LPCAT2: variants seen among roughly 807,000 people sequenced by gnomAD.
LPCAT2 encodes lysophosphatidylcholine acyltransferase 2.
Under a neutral mutation model 64.7 loss-of-function variants are expected in LPCAT2, and 58 were observed. The observed-to-expected ratio is 0.90, with a 90% CI of 0.73 to 1.12. The LOEUF is 1.12. Ranked by LOEUF, LPCAT2 falls within the 50% of genes most tolerant of loss-of-function variation. The pLI is 0.00. For synonymous variants in LPCAT2, 252 were observed against 245.3 expected (o/e 1.03, Z -0.26); for missense variants, 579 against 669.8 (o/e 0.86, Z 1.50).
chr16:55,526,941 A>G (rs893985565), intron 2 of LPCAT2, among the ~76,000 whole-genome samples: 3 of 152,298 alleles, frequency 2.0e-5, no homozygotes, highest in Admixed American at 6.5e-5. Context: ...AGAGTGTTTA[A>G]TGGCTCAGAA....
intron 7 of LPCAT2, among the ~76,000 whole-genome samples, chr16:55,537,062 A>G (rs1240060354): frequency 6.6e-6 from 1 of 152,160 alleles, no homozygotes; most frequent in Non-Finnish European, 1.5e-5. Context: ...AAACACATTT[A>G]CATACCTTAA....
rs183678292 is a variant in LPCAT2, at chr16:55,548,731, C to T, written c.936-546C>T. ...GTTTCACCATGTTGGCCAGGCTGGT[C>T]TCAAACTCCTGGCCTCAAGTGATCT... is the stretch of plus-strand genomic sequence containing the variant. On this transcript the variant is annotated intron_variant, in intron 9 of 13. Coordinates refer to ENST00000262134, the MANE Select transcript of LPCAT2 (RefSeq NM_017839.5). Among the ~76,000 whole-genome samples the T allele has an allele frequency of 5.2e-3, 796 of 152,216 alleles. 8 individuals carry two copies. Among genetic ancestry groups the T allele is most frequent in the African/African-American group, 0.018 (762 of 41,528 alleles).
At chr16:55,566,369 C>T (rs1343867261) in intron 11 of LPCAT2, among the ~76,000 whole-genome samples, 1 of 152,108 alleles carries the variant, frequency 6.6e-6, no homozygotes, top group Non-Finnish European at 1.5e-5. Flanking sequence ...GATTTCCTTG[C>T]ATCATTTACC....
chr16:55,570,752 A>G (rs1006717360), intron 11 of LPCAT2, among the ~76,000 whole-genome samples: 20 of 152,328 alleles, frequency 1.3e-4, no homozygotes, highest in African/African-American at 4.8e-4. Flanking sequence ...TTTTAAAAAT[A>G]TTTAAGTATA....
chr16:55,567,685 A>G (rs1469029466), intron 11 of LPCAT2: 6 of 625,986 alleles, frequency 9.6e-6, no homozygotes, highest in Non-Finnish European at 1.7e-5. Flanking sequence ...ATTTCACGAA[A>G]AATGTTCTGA....
In LPCAT2 at chr16:55,528,409, G is replaced by A; in HGVS notation, c.344G>A (p.Gly115Asp). Residue 115 changes from glycine to aspartate, a missense_variant, in exon 3 of 14, where the codon GGT becomes GAT. Transcript: ENST00000262134. Reference sequence around the variant, plus strand: ...ACTCAAACAGCTTTGAAATTTCTGGGTCGTGCTATGTTCTTTTCAATGGGA... The same window carrying A: ...ACTCAAACAGCTTTGAAATTTCTGGATCGTGCTATGTTCTTTTCAATGGGA... ...KITQTALKFL[G>D]RAMFFSMGFI... The A allele has an allele frequency of 6.2e-7, 1 of 1,613,862 alleles. No homozygotes were observed. Among genetic ancestry groups the A allele is most frequent in the Non-Finnish European group, 8.5e-7 (1 of 1,179,900 alleles).
chr16:55,514,910 G>C (rs1962988091), intron 1 of LPCAT2, among the ~76,000 whole-genome samples: 1 of 151,546 alleles, frequency 6.6e-6, no homozygotes, highest in Non-Finnish European at 1.5e-5. Flanking sequence ...GTGTGTGTGT[G>C]TGTGTGTGTG....
intron 1 of LPCAT2, 111 bp downstream of exon 1, chr16:55,509,463 G>T: frequency 8.6e-7 from 1 of 1,167,908 alleles, no homozygotes. Flanking sequence ...GGGGGGCGTG[G>T]GTCTGAGGGA....
At chr16:55,568,483 C>T (rs1502004) in intron 11 of LPCAT2, among the ~76,000 whole-genome samples, 84,681 of 152,086 alleles carry the variant, frequency 0.56, 23,940 homozygotes, top group East Asian at 0.73. Context: ...ATAGAGAACA[C>T]ATATTGCTGA....
Position 55,583,082 on chromosome 16 carries a change from A to G in LPCAT2, c.1619A>G (p.Asp540Gly). The G allele has an allele frequency of 6.2e-7, 1 of 1,611,904 alleles. No homozygotes were observed. Among genetic ancestry groups the G allele is most frequent in the South Asian group, 1.1e-5 (1 of 90,724 alleles). ...GAAAAGCATGAAGAGAGTACCTCAG[A>G]CAAAAAAGATGACTGAAAGCAGTAT... ...SPEKHEESTS[D>G]KKDD The change falls in exon 14 of 14, where the codon GAC becomes GGC. Residue 540 changes from aspartate to glycine, a missense_variant. By Grantham distance (94) the Asp-to-Gly change is moderately conservative. Coordinates refer to ENST00000262134, the MANE Select transcript of LPCAT2 (RefSeq NM_017839.5).
At chr16:55,518,022 G>A (rs921588106) in intron 1 of LPCAT2, among the ~76,000 whole-genome samples, 2 of 152,124 alleles carry the variant, frequency 1.3e-5, no homozygotes, top group South Asian at 4.1e-4. Flanking sequence ...CATCAAGATG[G>A]CATGATTTTT....
chr16:55,567,566 A>G (rs1963720207), intron 11 of LPCAT2: 3 of 1,525,870 alleles, frequency 2.0e-6, no homozygotes, highest in Non-Finnish European at 2.7e-6. Flanking sequence ...GCCAAGCTGT[A>G]CACAGTTGCT....
rs370338111 is a variant in LPCAT2, at chr16:55,574,597, G to A, written c.1216-34G>A. ...AGGATTAATAGTAATTCCACTAGTG[G>A]CCCTCCTAATTGATTTATCCCATCC... On this transcript the variant is annotated intron_variant, in intron 11 of 13. Coordinates refer to ENST00000262134, the MANE Select transcript of LPCAT2 (RefSeq NM_017839.5). 16 of 1,369,352 alleles carry A rather than the reference G, an allele frequency of 1.2e-5. No homozygotes were observed. The African/African-American group carries it at 1.9e-4, about 16-fold the overall frequency. The allele number at this position is 1,369,352 out of a possible 1,614,324, so 84.8% of individuals were successfully genotyped here.
chr16:55,519,378 G>T (rs932678543), intron 1 of LPCAT2, among the ~76,000 whole-genome samples: 6 of 151,476 alleles, frequency 4.0e-5, no homozygotes. Flanking sequence ...GCGTGGTGGC[G>T]GGCGCCTGTA....
chr16:55,509,731 G>A (rs552044561), intron 1 of LPCAT2, among the ~76,000 whole-genome samples: 1 of 152,224 alleles, frequency 6.6e-6, no homozygotes, highest in Non-Finnish European at 1.5e-5. Flanking sequence ...AGCCTGAAAG[G>A]GGCGGAGATG....
intron 12 of LPCAT2, among the ~76,000 whole-genome samples, chr16:55,576,470 G>A (rs1963829417): frequency 6.6e-6 from 1 of 151,564 alleles, no homozygotes. Context: ...TGACGCCAAA[G>A]TGGAATTATT....
At chr16:55,546,938 G>A (rs1178502349) in intron 9 of LPCAT2, among the ~76,000 whole-genome samples, 1 of 152,106 alleles carries the variant, frequency 6.6e-6, no homozygotes, top group Non-Finnish European at 1.5e-5. Context: ...CACAAGGTCA[G>A]GAGTTCGAGA....
At chr16:55,525,793 T>G in intron 2 of LPCAT2, 146 bp downstream of exon 2, 1 of 453,842 alleles carries the variant, frequency 2.2e-6, no homozygotes, top group Non-Finnish European at 3.6e-6. Context: ...AATAATAAAT[T>G]TTACAGTTTT....
chr16:55,532,124 C>A, intron 5 of LPCAT2, 150 bp downstream of exon 5: 1 of 598,616 alleles, frequency 1.7e-6, no homozygotes, highest in Non-Finnish European at 3.0e-6. Context: ...ATCCACAGAA[C>A]TTACTGCTTT....
Sources: gnomAD v4.1 joint callset for allele counts (sites outside exome capture counted in the v4.1 genomes callset) on GRCh38, gnomAD v4.1.1 for gene constraint, MANE v1.5 for transcripts, NCBI Gene and HGNC (gene_info 2026-07-23, HGNC 2026-07-21) for gene names.